IL6R: variants seen among roughly 807,000 people sequenced by gnomAD.
IL6R encodes the protein interleukin 6 receptor, also known as interleukin-6 receptor subunit alpha.
Under a neutral mutation model 48.3 loss-of-function variants are expected in IL6R, and 38 were observed. That is an observed-to-expected ratio of 0.79 (90% CI 0.61 to 1.03). The LOEUF is 1.03. IL6R is among the 50% of genes least tolerant of loss of function. The probability of loss-of-function intolerance (pLI) is 0.00; values close to 1 mark genes in which losing one functional copy is unlikely to be tolerated. For missense variants in IL6R, 534 were observed against 618.3 expected (o/e 0.86, Z 1.45); for synonymous variants, 264 against 256.2 (o/e 1.03, Z -0.29).
At position 154,450,014 on chromosome 1, in the gene IL6R, C is replaced by T. The variant is rs77572132; in HGVS notation, c.1066+34C>T. 631 of 1,351,496 alleles carry T rather than the reference C, an allele frequency of 4.7e-4. 8 individuals carry two copies. The East Asian group carries it at 0.014, about 29-fold the overall frequency. 83.7% of individuals were successfully genotyped at this position (1,351,496 alleles called of 1,614,324 possible). On this transcript the variant is annotated intron_variant, in intron 8 of 9. Transcript: ENST00000368485. Reference sequence around the variant, plus strand: ...TGGGTATTTTCATATTCCCAGGGTCCGAGGGACAGAAGATTTGTCTCTGCA... The same window carrying T: ...TGGGTATTTTCATATTCCCAGGGTCTGAGGGACAGAAGATTTGTCTCTGCA...
In IL6R at chr1:154,417,346, G is replaced by A. The variant is rs149614416; in HGVS notation, c.85+11632G>A. On this transcript the variant is annotated intron_variant, in intron 1 of 9. Coordinates refer to ENST00000368485, the MANE Select transcript of IL6R (RefSeq NM_000565.4). Reference sequence around the variant, plus strand: ...CAAAATGAGCAGGTTGGCCTGAGTCGTCCTTAAGAGTCCTGTATAGCCTTA... The same window carrying A: ...CAAAATGAGCAGGTTGGCCTGAGTCATCCTTAAGAGTCCTGTATAGCCTTA... 3.6e-3 allele frequency among the ~76,000 whole-genome samples: 549 copies of A among 152,256 alleles called. 5 individuals are homozygous for A. Among genetic ancestry groups the A allele is most frequent in the African/African-American group, 0.012 (514 of 41,526 alleles).
At chr1:154,415,668 T>G (rs1165825467) in intron 1 of IL6R, among the ~76,000 whole-genome samples, 1 of 152,174 alleles carries the variant, frequency 6.6e-6, no homozygotes, top group Non-Finnish European at 1.5e-5. Flanking sequence ...TTTTTTAATG[T>G]GGTAAAAACA....
At chr1:154,450,183 T>C (rs1690504315) in intron 8 of IL6R, among the ~76,000 whole-genome samples, 1 of 150,458 alleles carries the variant, frequency 6.6e-6, no homozygotes, top group South Asian at 2.1e-4. Context: ...TGGAGTGCCG[T>C]GGCATGATCT....
At chr1:154,415,372 T>C (rs1688275020) in intron 1 of IL6R, among the ~76,000 whole-genome samples, 1 of 152,264 alleles carries the variant, frequency 6.6e-6, no homozygotes, top group African/African-American at 2.4e-5. Context: ...GACATCTCTT[T>C]ACAGTTTATT....
chr1:154,420,213 T>C (rs1320498541), intron 1 of IL6R, among the ~76,000 whole-genome samples: 1 of 152,090 alleles, frequency 6.6e-6, no homozygotes, highest in Non-Finnish European at 1.5e-5. Context: ...AATAAATCCA[T>C]AGATTCATTA....
intron 1 of IL6R, chr1:154,414,928 G>T: frequency 9.4e-7 from 1 of 1,068,134 alleles, no homozygotes; most frequent in Non-Finnish European, 1.4e-6. Flanking sequence ...GCGCTGGAAG[G>T]AGGGGATGTC....
intron 7 of IL6R, 81 bp downstream of exon 7, chr1:154,448,252 G>T (rs1360494879): frequency 8.8e-7 from 1 of 1,139,374 alleles, no homozygotes; most frequent in Non-Finnish European, 1.3e-6. Context: ...ACCGAATTTG[G>T]TTTAAATCCA....
chr1:154,413,348 C>T (rs1340499210), intron 1 of IL6R, among the ~76,000 whole-genome samples: 2 of 152,246 alleles, frequency 1.3e-5, no homozygotes, highest in Non-Finnish European at 2.9e-5. Context: ...CTTGCTCTTA[C>T]GGCCCCTGCT....
intron 6 of IL6R, among the ~76,000 whole-genome samples, chr1:154,439,084 C>G (rs897509939): frequency 6.6e-6 from 1 of 152,042 alleles, no homozygotes; most frequent in Non-Finnish European, 1.5e-5. Flanking sequence ...ATCAGTATGG[C>G]TTTGGGGGCC....
In IL6R at chr1:154,443,373, CT is replaced by C. The variant is rs145536906; in HGVS notation, c.950-4750del. Among the ~76,000 whole-genome samples, 1,122 of 152,306 alleles carry C rather than the reference CT, an allele frequency of 7.4e-3. 14 individuals are homozygous for C. Among genetic ancestry groups the C allele is most frequent in the African/African-American group, 0.026 (1,097 of 41,556 alleles). ...GTGGGACATTCTGGGGTTAAAGAGCCTTGGTTACACATTTCCGGAGAGATTT... is the reference window on the plus strand; with the variant it reads ...GTGGGACATTCTGGGGTTAAAGAGCCTGGTTACACATTTCCGGAGAGATTT... On this transcript the variant is annotated intron_variant, in intron 6 of 9. Transcript: ENST00000368485.
Position 154,406,280 on chromosome 1 carries a change from G to A in IL6R, c.85+566G>A, listed in dbSNP as rs192709534. On this transcript the variant is annotated intron_variant, in intron 1 of 9. Coordinates refer to ENST00000368485, the MANE Select transcript of IL6R (RefSeq NM_000565.4). Reference sequence around the variant, plus strand: ...GTCACGGATCTTCCCGCTGCACGGAGTCACTTTGGCAGCCACCAACTCTGG... The same window carrying A: ...GTCACGGATCTTCCCGCTGCACGGAATCACTTTGGCAGCCACCAACTCTGG... 8.3e-4 allele frequency among the ~76,000 whole-genome samples: 126 copies of A among 152,330 alleles called. 1 individual carries two copies. Among genetic ancestry groups the A allele is most frequent in the South Asian group, 1.7e-3 (8 of 4,824 alleles).
intron 3 of IL6R, among the ~76,000 whole-genome samples, chr1:154,432,107 A>G (rs1017115399): frequency 6.6e-6 from 1 of 152,180 alleles, no homozygotes; most frequent in African/African-American, 2.4e-5. Flanking sequence ...GCTGCCTGGC[A>G]GTCATGTTTT....
chr1:154,411,207 C>T (rs1356404460), intron 1 of IL6R, among the ~76,000 whole-genome samples: 3 of 152,076 alleles, frequency 2.0e-5, no homozygotes, highest in Non-Finnish European at 4.4e-5. Context: ...TACGGGTGCA[C>T]ACCACCACAC....
At chr1:154,441,595 C>G (rs976610340) in intron 6 of IL6R, among the ~76,000 whole-genome samples, 4 of 152,078 alleles carry the variant, frequency 2.6e-5, no homozygotes, top group African/African-American at 4.8e-5. Context: ...AATTGGCGGG[C>G]AGTTCTGAAA....
chr1:154,423,650 T>G (rs1688815359), intron 1 of IL6R, among the ~76,000 whole-genome samples: 1 of 152,198 alleles, frequency 6.6e-6, no homozygotes, highest in African/African-American at 2.4e-5. Flanking sequence ...CACAGTGTTG[T>G]TCGCAGGTTC....
intron 1 of IL6R, chr1:154,414,405 G>A (rs1688213694): frequency 2.1e-6 from 3 of 1,420,126 alleles, no homozygotes; most frequent in African/African-American, 1.4e-5. Context: ...TCGGTGACCT[G>A]TTTGGCCAGT....
At chr1:154,462,232 T>A (rs1370181756) in intron 9 of IL6R, among the ~76,000 whole-genome samples, 1 of 152,164 alleles carries the variant, frequency 6.6e-6, no homozygotes, top group African/African-American at 2.4e-5. Flanking sequence ...ATCTCCTGAG[T>A]CTTTTTCCTC....
At chr1:154,419,279 A>G (rs1298118280) in intron 1 of IL6R, among the ~76,000 whole-genome samples, 1 of 152,146 alleles carries the variant, frequency 6.6e-6, no homozygotes, top group African/African-American at 2.4e-5. Flanking sequence ...AATGATTGTT[A>G]TGGTTATTAT....
At chr1:154,419,171 A>G (rs1688515540) in intron 1 of IL6R, among the ~76,000 whole-genome samples, 1 of 152,202 alleles carries the variant, frequency 6.6e-6, no homozygotes, top group Admixed American at 6.5e-5. Flanking sequence ...TGTTGCCTCA[A>G]CAATGAAATG....
Sources: gnomAD v4.1 joint callset for allele counts (sites outside exome capture counted in the v4.1 genomes callset) on GRCh38, gnomAD v4.1.1 for gene constraint, MANE v1.5 for transcripts, NCBI Gene and HGNC (gene_info 2026-07-23, HGNC 2026-07-21) for gene names.